The following RNF214 variants were observed in gnomAD, a reference collection of about 807,000 sequenced individuals.
RNF214 encodes ring finger protein 214.
In RNF214, 25 loss-of-function variants were observed where a neutral mutation model predicts 75.9. The ratio of observed to expected loss-of-function variants is 0.33; its 90% CI spans 0.24 to 0.46. The LOEUF is 0.46. RNF214 is among the 20% of genes least tolerant of loss of function. The pLI is 1.00. For synonymous variants in RNF214, 314 were observed against 308.8 expected, an observed-to-expected ratio of 1.02 and a Z score of -0.18; for missense variants, 725 against 857.5, an observed-to-expected ratio of 0.85 and a Z score of 1.93.
At chr11:117,284,529 C>CA (rs2034204124) in intron 14 of RNF214, among the ~76,000 whole-genome samples, 1 of 152,122 alleles carries the variant, frequency 6.6e-6, no homozygotes, top group Admixed American at 6.6e-5. Flanking sequence ...AGACATTCAA[C>CA]AAAAAGCAGC....
chr11:117,263,915 C>T (rs1427583503), intron 6 of RNF214: 1 of 246,918 alleles, frequency 4.0e-6, no homozygotes, highest in Non-Finnish European at 7.9e-6. Context: ...GGAGGACTGT[C>T]TTTAGAATAG....
At chr11:117,260,857 T>G (rs1413459063) in intron 6 of RNF214, among the ~76,000 whole-genome samples, 1 of 150,178 alleles carries the variant, frequency 6.7e-6, no homozygotes, top group African/African-American at 2.5e-5. Flanking sequence ...TTTCTCCATG[T>G]TGGTCAAGCT....
rs1263345733 is a variant in RNF214 at position 117,286,339 on chromosome 11, C to A, written c.*1188C>A. On this transcript the variant is annotated 3_prime_UTR_variant, in exon 15 of 15. Coordinates refer to ENST00000300650, the MANE Select transcript of RNF214 (RefSeq NM_207343.4). ...TACTTCTTAATTTTAGGTTTTATACCTGGGAAAGCTGTGACTCTATTAGAG... is the reference window on the plus strand; with the variant it reads ...TACTTCTTAATTTTAGGTTTTATACATGGGAAAGCTGTGACTCTATTAGAG... The A allele has an allele frequency of 6.6e-6, 1 of 152,094 alleles. No individual in the cohort carries two copies. The highest frequency in any genetic ancestry group is 6.6e-5 in the Admixed American group (1 of 15,264). 9.4% of individuals were successfully genotyped at this position (152,094 alleles called of 1,614,324 possible).
intron 4 of RNF214, among the ~76,000 whole-genome samples, chr11:117,241,520 C>T (rs893007367): frequency 2.7e-5 from 4 of 148,710 alleles, no homozygotes; most frequent in Admixed American, 6.8e-5. Context: ...GTAGAGGTTG[C>T]AGTAAGCTGA....
intron 1 of RNF214, among the ~76,000 whole-genome samples, chr11:117,233,149 T>C (rs2032772284): frequency 1.3e-5 from 2 of 152,214 alleles, no homozygotes; most frequent in Non-Finnish European, 2.9e-5. Flanking sequence ...CAGCCAGCTG[T>C]TCCTACCCGC....
chr11:117,240,037 C>A (rs2033027877), intron 4 of RNF214, among the ~76,000 whole-genome samples, 177 bp downstream of exon 4: 1 of 150,288 alleles, frequency 6.7e-6, no homozygotes, highest in African/African-American at 2.4e-5. Context: ...CACAAAGCAA[C>A]CAGTTACGTT....
chr11:117,234,287 G>C lies in RNF214; in HGVS notation c.15G>C (p.Glu5Asp), dbSNP rs1565325728. The C allele has an allele frequency of 3.7e-6, 6 of 1,614,038 alleles. No homozygotes were observed. The African/African-American group carries it at 4.0e-5, about 11-fold the overall frequency. The part of the protein sequence containing the change: MAAS[E>D]VAGVVANAPS... ...TACAGAGCATAATGGCAGCGTCTGA[G>C]GTTGCTGGTGTTGTGGCCAATGCCC... is the stretch of plus-strand genomic sequence containing the variant. The change falls in exon 2 of 15, where the codon GAG (glutamate) becomes GAC (aspartate). Residue 5 changes from glutamate to aspartate, a missense_variant. Physicochemically the swap from Glu to Asp is conservative, Grantham distance 45. This residue lies in a region of RNF214 where 362 missense variants were observed against 344.5 expected (regional missense o/e 1.05). Transcript: ENST00000300650.
intron 4 of RNF214, among the ~76,000 whole-genome samples, chr11:117,240,261 T>G (rs1371912252): frequency 1.3e-5 from 2 of 150,816 alleles, no homozygotes; most frequent in Non-Finnish European, 3.0e-5. Flanking sequence ...TCCTAGCTAC[T>G]CAGGAGACAG....
In RNF214 at chr11:117,246,845, C is replaced by T; in HGVS notation, c.856C>T (p.Arg286Trp). 6.2e-7 allele frequency: 1 copy of T among 1,609,006 alleles called. No homozygotes were observed. Among genetic ancestry groups the T allele is most frequent in the Non-Finnish European group, 8.5e-7 (1 of 1,176,970 alleles). ...GGCTATTCAGGATGTGACAATAAAG[C>T]GGGAAGAAACAAAGAAGAAGATAGA... The part of the protein sequence containing the change: ...LKAIQDVTIK[R>W]EETKKKIEKE... Residue 286 changes from arginine to tryptophan, a missense_variant, in exon 6 of 15, where the codon CGG becomes TGG. Arg to Trp is a moderately radical substitution (Grantham distance 101). This residue lies in a region of RNF214 where 362 missense variants were observed against 344.5 expected (regional missense o/e 1.05). Transcript: ENST00000300650.
chr11:117,239,975 T>TC, intron 4 of RNF214, 115 bp downstream of exon 4: 1 of 629,514 alleles, frequency 1.6e-6, no homozygotes, highest in Non-Finnish European at 2.8e-6. Context: ...TCCTGACAGA[T>TC]GGTCAGGTGA....
chr11:117,247,877 CA>C (rs945174991), intron 6 of RNF214, among the ~76,000 whole-genome samples: 1 of 142,846 alleles, frequency 7.0e-6, no homozygotes. Flanking sequence ...AAAAACAAAA[CA>C]AAAAAAAACA....
At position 117,234,279 on chromosome 11, in the gene RNF214, G is replaced by A. The variant is rs761403728; in HGVS notation, c.7G>A (p.Ala3Thr). ...TCTGAATGTACAGAGCATAATGGCA[G>A]CGTCTGAGGTTGCTGGTGTTGTGGC... MA[A>T]SEVAGVVANA... The change falls in exon 2 of 15, where the codon GCG (alanine) becomes ACG (threonine). Residue 3 changes from alanine to threonine, a missense_variant. Ala to Thr is a moderately conservative substitution (Grantham distance 58, BLOSUM62 0). This residue lies in a region of RNF214 where 362 missense variants were observed against 344.5 expected (regional missense o/e 1.05). Coordinates refer to ENST00000300650, the MANE Select transcript of RNF214 (RefSeq NM_207343.4). The A allele has an allele frequency of 6.2e-7, 1 of 1,613,398 alleles. No homozygotes were observed. Among genetic ancestry groups the A allele is most frequent in the Non-Finnish European group, 8.5e-7 (1 of 1,179,288 alleles).
At chr11:117,274,816 G>A (rs1450536955) in intron 6 of RNF214, among the ~76,000 whole-genome samples, 1 of 151,898 alleles carries the variant, frequency 6.6e-6, no homozygotes, top group Non-Finnish European at 1.5e-5. Flanking sequence ...AACACAGATG[G>A]GCGCCATGAT....
intron 6 of RNF214, among the ~76,000 whole-genome samples, chr11:117,251,208 G>A (rs1044705073): frequency 9.1e-6 from 1 of 109,510 alleles, no homozygotes; most frequent in Non-Finnish European, 1.8e-5. Context: ...GAGGCGCCCC[G>A]CACCTCCCGG....
intron 6 of RNF214, among the ~76,000 whole-genome samples, chr11:117,255,076 C>A (rs780788540): frequency 1.3e-5 from 2 of 152,174 alleles, no homozygotes; most frequent in Admixed American, 6.5e-5. Context: ...CCATGTTGGC[C>A]AGGCTAGTCT....
At chr11:117,240,231 T>TAGTCCTAGCTACTCAGG (rs1381777115) in intron 4 of RNF214, among the ~76,000 whole-genome samples, 1 of 151,572 alleles carries the variant, frequency 6.6e-6, no homozygotes, top group South Asian at 2.1e-4. Flanking sequence ...TGCATGCCTA[T>TAGTCCTAGCTACTCAGG]AGTCCTAGCT....
At chr11:117,250,109 A>G (rs1425321126) in intron 6 of RNF214, among the ~76,000 whole-genome samples, 1 of 152,238 alleles carries the variant, frequency 6.6e-6, no homozygotes, top group African/African-American at 2.4e-5. Context: ...TAGTGTAATG[A>G]TACCATGACA....
chr11:117,284,974 C>A, intron 14 of RNF214, 112 bp from the exon 15 acceptor site: 1 of 732,226 alleles, frequency 1.4e-6, no homozygotes, highest in South Asian at 1.6e-5. Flanking sequence ...CCTCTTGTAC[C>A]TCAGTGTAAG....
intron 8 of RNF214, 43 bp downstream of exon 8, chr11:117,280,302 T>TGTTC (rs529685138): frequency 1.7e-6 from 2 of 1,210,188 alleles, no homozygotes; most frequent in Non-Finnish European, 2.4e-6. Context: ...TTTTGCAGTT[T>TGTTC]GTTTGTTTGT....
Sources: gnomAD v4.1 joint callset for allele counts (sites outside exome capture counted in the v4.1 genomes callset) on GRCh38, gnomAD v4.1.1 for gene constraint, gnomAD v4.1.1 regional missense constraint, MANE v1.5 for transcripts, NCBI Gene and HGNC (gene_info 2026-07-23, HGNC 2026-07-21) for gene names.